Variants in RNF170 observed in about 807,000 individuals in gnomAD.
The protein encoded by RNF170 is ring finger protein 170.
A neutral mutation model predicts 32.7 loss-of-function variants in RNF170; 12 were observed. The observed-to-expected ratio is 0.37, with a 90% CI of 0.24 to 0.60. The LOEUF (loss-of-function observed/expected upper bound fraction) is 0.60, where lower values mean the gene tolerates loss of function less well. RNF170 is among the 20% of genes least tolerant of loss of function. RNF170 has a pLI of 0.72. For missense variants in RNF170, 212 were observed against 311.2 expected (o/e 0.68, Z 2.40); for synonymous variants, 91 against 103.6 (o/e 0.88, Z 0.74).
chr8:42,896,687 G>A (rs1044574668), upstream of RNF170: 2 of 412,150 alleles, frequency 4.9e-6, no homozygotes, highest in Admixed American at 2.6e-5. Context: ...GCAGCCTCCA[G>A]GGCGGAGCGC....
At chr8:42,861,368 G>T (rs1803646116) in intron 6 of RNF170, 1 of 161,540 alleles carries the variant, frequency 6.2e-6, no homozygotes. Context: ...TTTGAGGAAG[G>T]GTCTCACTGC....
At chr8:42,860,222 G>A (rs1803557353) in intron 6 of RNF170, among the ~76,000 whole-genome samples, 1 of 152,164 alleles carries the variant, frequency 6.6e-6, no homozygotes, top group South Asian at 2.1e-4. Flanking sequence ...ATATAAATTT[G>A]GATTTAGTAC....
chr8:42,866,871 G>T (rs573999112), intron 4 of RNF170, among the ~76,000 whole-genome samples: 8 of 147,846 alleles, frequency 5.4e-5, no homozygotes, highest in Non-Finnish European at 9.2e-5. Flanking sequence ...AATACTGTCT[G>T]GGATTTAAGG....
chr8:42,894,072 T>C (rs1202435330), intron 1 of RNF170, among the ~76,000 whole-genome samples: 1 of 152,216 alleles, frequency 6.6e-6, no homozygotes, highest in Non-Finnish European at 1.5e-5. Context: ...CAGTGTCTTT[T>C]TACCCCAAGG....
chr8:42,882,816 A>T (rs1008181229), intron 2 of RNF170, among the ~76,000 whole-genome samples: 10 of 152,044 alleles, frequency 6.6e-5, no homozygotes, highest in Non-Finnish European at 1.2e-4. Context: ...AATCCCAGAA[A>T]TTTGGGAGGA....
At chr8:42,852,661 C>T (rs142387952), downstream of RNF170, among the ~76,000 whole-genome samples, 673 of 152,172 alleles carry the variant, frequency 4.4e-3, 7 homozygotes, top group African/African-American at 0.011. Context: ...GTGATCTGCC[C>T]GCCTTGGCCT....
At chr8:42,872,142 G>A (rs1261781727) in intron 3 of RNF170, among the ~76,000 whole-genome samples, 1 of 152,228 alleles carries the variant, frequency 6.6e-6, no homozygotes, top group Non-Finnish European at 1.5e-5. Context: ...TCTGAGAGCT[G>A]TGTGCTGGGC....
intron 5 of RNF170, 50 bp downstream of exon 5, chr8:42,865,366 T>A: frequency 7.1e-7 from 1 of 1,404,128 alleles, no homozygotes; most frequent in Non-Finnish European, 1.0e-6. Context: ...ACTATAAAAA[T>A]GTACAAAATA....
chr8:42,871,750 G>C (rs75561614), intron 3 of RNF170, among the ~76,000 whole-genome samples: 4,528 of 152,210 alleles, frequency 0.03, 223 homozygotes, highest in African/African-American at 0.1. Flanking sequence ...GTAGAGATGG[G>C]GTTTCGCCAT....
At position 42,855,236 on chromosome 8, in the gene RNF170, T is replaced by C. The variant is rs2128922178; in HGVS notation, c.*923A>G. Reference sequence around the variant, plus strand: ...GAGATAAATGTTTTTCATCTTTTTTTTTTTTTTTTTTGAGAGGGAGTCTCA... The same window carrying C: ...GAGATAAATGTTTTTCATCTTTTTTCTTTTTTTTTTTGAGAGGGAGTCTCA... On this transcript the variant is annotated 3_prime_UTR_variant, in exon 7 of 7. Coordinates refer to ENST00000527424, the MANE Select transcript of RNF170 (RefSeq NM_030954.4). The C allele has an allele frequency of 1.6e-6, 2 of 1,281,650 alleles. No individual in the cohort carries two copies. The highest frequency in any genetic ancestry group is 2.0e-6 in the Non-Finnish European group (2 of 986,560). The allele number at this position is 1,281,650 out of a possible 1,614,324, so 79.4% of individuals were successfully genotyped here. A position where few individuals can be genotyped will look rare whatever the true frequency, so the allele number is the denominator to read the frequency against.
At chr8:42,895,750 A>C (rs1400386055) in intron 1 of RNF170, among the ~76,000 whole-genome samples, 1 of 152,160 alleles carries the variant, frequency 6.6e-6, no homozygotes, top group Non-Finnish European at 1.5e-5. Flanking sequence ...CCACAAAACA[A>C]CACACTGTGA....
intron 2 of RNF170, among the ~76,000 whole-genome samples, chr8:42,883,182 T>C (rs1007817342): frequency 2.0e-5 from 3 of 152,034 alleles, no homozygotes; most frequent in Non-Finnish European, 2.9e-5. Context: ...AGGGTTGAAA[T>C]ACTACCTATT....
chr8:42,883,582 A>G (rs1478272144), intron 2 of RNF170, among the ~76,000 whole-genome samples: 1 of 151,088 alleles, frequency 6.6e-6, no homozygotes, highest in African/African-American at 2.4e-5. Context: ...AAAAAAAAAA[A>G]AAAAAAAAAA....
At chr8:42,872,929 T>C (rs764573811) in intron 3 of RNF170, among the ~76,000 whole-genome samples, 1 of 152,132 alleles carries the variant, frequency 6.6e-6, no homozygotes, top group Non-Finnish European at 1.5e-5. Flanking sequence ...CTCACACTTA[T>C]AATCCCAGCA....
At chr8:42,887,631 G>C in intron 2 of RNF170, 97 bp downstream of exon 2, 1 of 1,099,790 alleles carries the variant, frequency 9.1e-7, no homozygotes, top group South Asian at 1.2e-5. Flanking sequence ...ACTGAGATCT[G>C]TTACTTGCTG....
chr8:42,857,813 C>T (rs116532074), intron 6 of RNF170, among the ~76,000 whole-genome samples: 4 of 152,202 alleles, frequency 2.6e-5, no homozygotes, highest in Non-Finnish European at 4.4e-5. Flanking sequence ...GTGAGCAGAT[C>T]GCTTGAAGCC....
intron 3 of RNF170, among the ~76,000 whole-genome samples, chr8:42,873,225 G>A (rs571048177): frequency 4.9e-4 from 74 of 151,588 alleles, no homozygotes; most frequent in African/African-American, 1.7e-3. Flanking sequence ...GCCGAGGTGA[G>A]AGGACTGCTT....
rs935415848 is a variant in RNF170 at position 42,855,664 on chromosome 8, AC to A, written c.*494del. 7.8e-7 allele frequency: 1 copy of A among 1,285,004 alleles called. No individual in the cohort carries two copies. Among genetic ancestry groups the A allele is most frequent in the Non-Finnish European group, 1.0e-6 (1 of 987,300 alleles). 79.6% of individuals were successfully genotyped at this position (1,285,004 alleles called of 1,614,324 possible). Reference sequence around the variant, plus strand: ...GAAAAGGCAGAACTGCTCCAAATGCACAAAACTTAGCTAGCACTAAAAGAAA... The same window carrying A: ...GAAAAGGCAGAACTGCTCCAAATGCAAAAACTTAGCTAGCACTAAAAGAAA... On this transcript the variant is annotated 3_prime_UTR_variant, in exon 7 of 7. Transcript: ENST00000527424.
At chr8:42,887,294 A>AAAAT (rs141869391) in intron 2 of RNF170, among the ~76,000 whole-genome samples, 35 of 151,960 alleles carry the variant, frequency 2.3e-4, no homozygotes, top group African/African-American at 2.6e-4. Flanking sequence ...TCCGTCTCAA[A>AAAAT]AAATAAATAA....
Sources: gnomAD v4.1 joint callset for allele counts (sites outside exome capture counted in the v4.1 genomes callset) on GRCh38, gnomAD v4.1.1 for gene constraint, MANE v1.5 for transcripts, NCBI Gene and HGNC (gene_info 2026-07-23, HGNC 2026-07-21) for gene names.